TBC1D4: variants seen among roughly 807,000 people sequenced by gnomAD.
TBC1D4 encodes TBC (Tre-2, BUB2, CDC16) domain-containing protein.
A neutral mutation model predicts 142.5 loss-of-function variants in TBC1D4; 121 were observed. The ratio of observed to expected loss-of-function variants is 0.85; its 90% CI spans 0.73 to 0.99. TBC1D4 has a LOEUF of 0.99. TBC1D4 is among the 50% of genes least tolerant of loss of function. The pLI is 0.00. For missense variants in TBC1D4, 1,475 were observed against 1,606.6 expected, an observed-to-expected ratio of 0.92 and a Z score of 1.40; for synonymous variants, 630 against 628.2, an observed-to-expected ratio of 1.00 and a Z score of -0.04.
chr13:75,375,320 A>G (rs910959423), intron 1 of TBC1D4, among the ~76,000 whole-genome samples: 3 of 152,074 alleles, frequency 2.0e-5, no homozygotes, highest in African/African-American at 7.2e-5. Flanking sequence ...TCTGGGGGCC[A>G]CTCCCAGGGT....
At chr13:75,419,535 A>T (rs7997973) in intron 1 of TBC1D4, among the ~76,000 whole-genome samples, 30 of 152,220 alleles carry the variant, frequency 2.0e-4, no homozygotes, top group African/African-American at 7.2e-4. Context: ...AAATCATGTT[A>T]AAGGGGGATA....
At chr13:75,327,931 T>A in intron 8 of TBC1D4, 105 bp from the exon 9 acceptor site, 2 of 1,165,408 alleles carry the variant, frequency 1.7e-6, no homozygotes, top group Non-Finnish European at 2.5e-6. Flanking sequence ...ATTAAATTGA[T>A]CATTTTGTGG....
At chr13:75,357,752 T>G (rs2138151794) in intron 3 of TBC1D4, among the ~76,000 whole-genome samples, 1 of 152,278 alleles carries the variant, frequency 6.6e-6, no homozygotes, top group South Asian at 2.1e-4. Flanking sequence ...CCACATTATA[T>G]GCGTTCAGTT....
At chr13:75,361,746 T>C (rs528930277) in intron 2 of TBC1D4, among the ~76,000 whole-genome samples, 211 of 152,120 alleles carry the variant, frequency 1.4e-3, no homozygotes, top group African/African-American at 3.8e-3. Context: ...AGATTCTTAT[T>C]CTCTCTACCA....
At chr13:75,289,208 T>C in intron 19 of TBC1D4, 98 bp from the exon 20 acceptor site, 4 of 1,444,616 alleles carry the variant, frequency 2.8e-6, no homozygotes, top group Non-Finnish European at 3.8e-6. Flanking sequence ...TCCAAATACT[T>C]ATTAATGAAG....
rs770977313 is a variant in TBC1D4 at position 75,310,170 on chromosome 13, T to G, written c.2384-19A>C. Reference sequence around the variant, plus strand: ...AATCCATCTGCAGAGAAGAACACAGTGAGAGGCATTCCTTAGCAGTAACCC... The same window carrying G: ...AATCCATCTGCAGAGAAGAACACAGGGAGAGGCATTCCTTAGCAGTAACCC... On this transcript the variant is annotated intron_variant, in intron 13 of 20. Transcript: ENST00000377636. The G allele has an allele frequency of 6.2e-7, 1 of 1,609,444 alleles. No individual in the cohort carries two copies. Among genetic ancestry groups the G allele is most frequent in the Admixed American group, 1.7e-5 (1 of 59,570 alleles).
chr13:75,481,620 TC>T lies in TBC1D4; in HGVS notation c.147del (p.Thr50ProfsTer33). ...AGCCAGGGCAGCATAGGCAGCGTGG[TC>T]CTGTGGTCCAGGCACGACCCCCCAA... ...WYVGGSCLDH[R>X]TTLPMLPWLM... On this transcript the variant is annotated frameshift_variant, in exon 1 of 21. Coordinates refer to ENST00000377636, the MANE Select transcript of TBC1D4 (RefSeq NM_014832.5). LOFTEE classifies it high-confidence loss of function. 1.2e-6 allele frequency: 2 copies of T among 1,608,490 alleles called. No individual in the cohort carries two copies. The highest frequency in any genetic ancestry group is 1.7e-6 in the Non-Finnish European group (2 of 1,177,764).
Position 75,312,938 on chromosome 13 carries a change from T to G in TBC1D4, c.2223-40A>C, listed in dbSNP as rs1268493910. 1.9e-6 allele frequency: 3 copies of G among 1,610,510 alleles called. No homozygotes were observed. In the South Asian group the frequency reaches 3.3e-5, roughly 18 times the overall value. ...TAAACATATCACTTATAAGGAGAGC[T>G]GCACATCATGGCACTTCACAACCAA... On this transcript the variant is annotated intron_variant, in intron 12 of 20. Coordinates refer to ENST00000377636, the MANE Select transcript of TBC1D4 (RefSeq NM_014832.5).
At position 75,302,340 on chromosome 13, in the gene TBC1D4, T is replaced by C; in HGVS notation, c.2814A>G (p.Arg938=). ...GCTGTTGTTTATTAGGCAATCTGTGTCTGAGTCGGTACTGTAAAGCCAGAA... is the reference window on the plus strand; with the variant it reads ...GCTGTTGTTTATTAGGCAATCTGTGCCTGAGTCGGTACTGTAAAGCCAGAA... ...WQFLALQYRL[R]HRLPNKQQPP... is the part of the protein sequence containing the mutation. Residue 938 remains arginine, a synonymous_variant, in exon 16 of 21, where the codon AGA becomes AGG. Coordinates refer to ENST00000377636, the MANE Select transcript of TBC1D4 (RefSeq NM_014832.5). The C allele has an allele frequency of 6.2e-7, 1 of 1,614,206 alleles. No homozygotes were observed. Among genetic ancestry groups the C allele is most frequent in the South Asian group, 1.1e-5 (1 of 91,084 alleles).
intron 9 of TBC1D4, 32 bp downstream of exon 9, chr13:75,327,720 G>T: frequency 6.2e-7 from 1 of 1,607,264 alleles, no homozygotes; most frequent in South Asian, 1.1e-5. Context: ...TTGTTAAGTT[G>T]CAATTAGTGT....
chr13:75,473,252 C>T (rs1027759641), intron 1 of TBC1D4, among the ~76,000 whole-genome samples: 7 of 152,120 alleles, frequency 4.6e-5, no homozygotes, highest in Non-Finnish European at 8.8e-5. Flanking sequence ...TTGCTTGCTT[C>T]GGCCTCCCAA....
intron 1 of TBC1D4, among the ~76,000 whole-genome samples, chr13:75,431,428 A>C (rs1489205346): frequency 6.6e-6 from 1 of 152,228 alleles, no homozygotes; most frequent in Non-Finnish European, 1.5e-5. Context: ...GACCTTCAGT[A>C]TGATACCTAA....
In TBC1D4 at chr13:75,286,215, A is replaced by T. The variant is rs552454186; in HGVS notation, c.*577T>A. ...AGAAATGACCCTACCTTCCCAAAAA[A>T]CTCACAGGAGCATGACCAGTAATCA... On this transcript the variant is annotated 3_prime_UTR_variant, in exon 21 of 21. Coordinates refer to ENST00000377636, the MANE Select transcript of TBC1D4 (RefSeq NM_014832.5). 1 of 153,470 alleles carries T rather than the reference A, an allele frequency of 6.5e-6. No homozygotes were observed. The highest frequency in any genetic ancestry group is 2.4e-5 in the African/African-American group (1 of 41,430). The allele number at this position is 153,470 out of a possible 1,614,324, so 9.5% of individuals were successfully genotyped here.
intron 1 of TBC1D4, chr13:75,377,419 T>C (rs1188494743): frequency 1.3e-5 from 2 of 152,094 alleles, no homozygotes; most frequent in Non-Finnish European, 2.9e-5. Context: ...CATGCTTGTT[T>C]CTAGAAGAAA....
Position 75,299,692 on chromosome 13 carries a change from G to A in TBC1D4, c.2912-118C>T, listed in dbSNP as rs1876321118. The stretch of plus-strand genomic sequence containing the variant: ...CAGACACTCTTTCCCAAACCAGTGA[G>A]AGTTGCTTAGAGTCACCATGTAACT... On this transcript the variant is annotated intron_variant, in intron 16 of 20. Coordinates refer to ENST00000377636, the MANE Select transcript of TBC1D4 (RefSeq NM_014832.5). The A allele has an allele frequency of 3.2e-6, 4 of 1,244,556 alleles. No homozygotes were observed. In the African/African-American group the frequency reaches 5.9e-5, roughly 18 times the overall value. 77.1% of individuals were successfully genotyped at this position (1,244,556 alleles called of 1,614,324 possible).
At chr13:75,339,677 G>A (rs991671758) in intron 7 of TBC1D4, among the ~76,000 whole-genome samples, 3 of 151,810 alleles carry the variant, frequency 2.0e-5, no homozygotes, top group Non-Finnish European at 2.9e-5. Context: ...CCAGGTTCAC[G>A]TGCTTCTCCT....
At chr13:75,410,158 T>C (rs1885569690) in intron 1 of TBC1D4, among the ~76,000 whole-genome samples, 2 of 152,310 alleles carry the variant, frequency 1.3e-5, no homozygotes, top group East Asian at 1.9e-4. Flanking sequence ...ACTCAATAAA[T>C]GGTACCTATA....
intron 18 of TBC1D4, 35 bp downstream of exon 18, chr13:75,294,819 T>G (rs199834967): frequency 1.9e-6 from 3 of 1,605,272 alleles, no homozygotes; most frequent in Non-Finnish European, 2.6e-6. Flanking sequence ...TTGGAATAAA[T>G]AATACTGTTC....
rs1269761548 is a variant in TBC1D4 at position 75,341,606 on chromosome 13, G to T, written c.1409-19C>A. The T allele has an allele frequency of 6.3e-7, 1 of 1,592,684 alleles. No individual in the cohort carries two copies. ...TAGAGACCTAAGGAAAATGATGAGG[G>T]AAGGTATTAAACAGAGTCTAGCAGC... On this transcript the variant is annotated intron_variant, in intron 5 of 20. Coordinates refer to ENST00000377636, the MANE Select transcript of TBC1D4 (RefSeq NM_014832.5).
Sources: allele counts gnomAD v4.1 joint callset (sites outside exome capture counted in the v4.1 genomes callset), GRCh38; gene constraint gnomAD v4.1.1; transcripts MANE v1.5; gene names NCBI Gene and HGNC (gene_info 2026-07-23, HGNC 2026-07-21).